TNFRSF8: variants seen among roughly 807,000 people sequenced by gnomAD.
TNFRSF8 encodes tumor necrosis factor receptor superfamily member 8.
A neutral mutation model predicts 70.8 loss-of-function variants in TNFRSF8; 26 were observed. That is an observed-to-expected ratio of 0.37 (90% CI 0.27 to 0.51). The LOEUF is 0.51. Among genes scored for constraint, TNFRSF8 ranks in the 20% least tolerant of loss-of-function variants. TNFRSF8 has a pLI of 0.94. For synonymous variants in TNFRSF8, 356 were observed against 339.2 expected (o/e 1.05, Z -0.54); for missense variants, 720 against 807.9 (o/e 0.89, Z 1.32).
chr1:12,085,419 T>A (rs957303937), intron 2 of TNFRSF8, among the ~76,000 whole-genome samples: 2 of 152,176 alleles, frequency 1.3e-5, no homozygotes, highest in African/African-American at 2.4e-5. Context: ...CTAATTTTTT[T>A]ATATTAATTT....
At chr1:12,135,650 GC>G in intron 13 of TNFRSF8, 37 bp downstream of exon 13, 3 of 1,612,620 alleles carry the variant, frequency 1.9e-6, no homozygotes, top group South Asian at 1.1e-5. Flanking sequence ...TCAGCTTCGT[GC>G]CCCTAAATCT....
chr1:12,096,304 G>A (rs571508964), intron 2 of TNFRSF8, among the ~76,000 whole-genome samples: 1 of 152,186 alleles, frequency 6.6e-6, no homozygotes, highest in South Asian at 2.1e-4. Flanking sequence ...TAGGGTCTTA[G>A]TGGCAGGAGT....
intron 8 of TNFRSF8, among the ~76,000 whole-genome samples, chr1:12,122,780 C>T (rs1641853333): frequency 6.6e-6 from 1 of 152,200 alleles, no homozygotes; most frequent in Non-Finnish European, 1.5e-5. Context: ...TCTAGCGTCA[C>T]TGTTTCACCT....
chr1:12,081,507 T>C (rs1365016667), intron 1 of TNFRSF8, among the ~76,000 whole-genome samples: 3 of 151,866 alleles, frequency 2.0e-5, no homozygotes, highest in African/African-American at 7.3e-5. Context: ...GAGGACACTC[T>C]CCTCTCCTAC....
intron 1 of TNFRSF8, among the ~76,000 whole-genome samples, chr1:12,082,108 A>G (rs1641074729): frequency 6.6e-6 from 1 of 152,104 alleles, no homozygotes; most frequent in Admixed American, 6.6e-5. Context: ...GAAAAGTGCA[A>G]TGGCGTTCCC....
intron 3 of TNFRSF8, among the ~76,000 whole-genome samples, chr1:12,102,062 T>C (rs1641433359): frequency 6.6e-6 from 1 of 152,258 alleles, no homozygotes; most frequent in African/African-American, 2.4e-5. Flanking sequence ...GTATCATTTC[T>C]AATGTTTTGT....
Position 12,138,611 on chromosome 1 carries a change from C to T in TNFRSF8, c.1543+175C>T, listed in dbSNP as rs2101049044. On this transcript the variant is annotated intron_variant, in intron 14 of 14. Transcript: ENST00000263932. The surrounding 1 kb of genome is among the most constrained non-coding windows in gnomAD (Gnocchi z 5.7). ...TCTGTAAGTAGGGACAGCGAGGGTA[C>T]TTACCTCGTAGGCCATTGTGCGGAT... Among the ~76,000 whole-genome samples, 1 of 152,330 alleles carries T rather than the reference C, an allele frequency of 6.6e-6. No homozygotes were observed. The highest frequency in any genetic ancestry group is 1.5e-5 in the Non-Finnish European group (1 of 68,022).
intron 1 of TNFRSF8, among the ~76,000 whole-genome samples, chr1:12,071,524 A>G (rs1336358552): frequency 1.3e-5 from 2 of 152,084 alleles, no homozygotes. Context: ...GCTTTTTTCC[A>G]GTTTCTAGAA....
intron 8 of TNFRSF8, among the ~76,000 whole-genome samples, chr1:12,118,859 T>G (rs1641781788): frequency 6.6e-6 from 1 of 151,998 alleles, no homozygotes; most frequent in African/African-American, 2.4e-5. Flanking sequence ...TTTTTGTTTG[T>G]TTGTTTGTTT....
chr1:12,116,613 C>T (rs548051769), intron 8 of TNFRSF8, among the ~76,000 whole-genome samples: 1 of 151,950 alleles, frequency 6.6e-6, no homozygotes, highest in Non-Finnish European at 1.5e-5. Context: ...CCAGCCTGAC[C>T]AACATGGCAA....
At chr1:12,126,452 A>G (rs182882386) in intron 12 of TNFRSF8, among the ~76,000 whole-genome samples, 9 of 152,280 alleles carry the variant, frequency 5.9e-5, no homozygotes, top group Admixed American at 4.6e-4. Context: ...ACTGGGTGTG[A>G]CGACTGTGTG....
Position 12,063,323 on chromosome 1 carries a change from T to C in TNFRSF8, c.-276T>C, listed in dbSNP as rs971564045. On this transcript the variant is annotated 5_prime_UTR_variant, in exon 1 of 15. Coordinates refer to ENST00000263932, the MANE Select transcript of TNFRSF8 (RefSeq NM_001243.5). The surrounding 1 kb of genome is among the most constrained non-coding windows in gnomAD (Gnocchi z 7.2). ...TTTTCCTGAGTCATCTCTGCACGTG[T>C]TTGCCCCCTTTTTTCTTCGCTGCTT... 2.7e-6 allele frequency: 1 copy of C among 365,412 alleles called. No individual in the cohort carries two copies. Among genetic ancestry groups the C allele is most frequent in the Non-Finnish European group, 4.9e-6 (1 of 205,030 alleles). The allele number at this position is 365,412 out of a possible 1,614,324, so 22.6% of individuals were successfully genotyped here.
chr1:12,109,547 A>C lies in TNFRSF8; in HGVS notation c.422-19A>C. The C allele has an allele frequency of 6.2e-7, 1 of 1,609,478 alleles. No homozygotes were observed. Among genetic ancestry groups the C allele is most frequent in the Non-Finnish European group, 8.5e-7 (1 of 1,176,636 alleles). ...GGTCCCCAACACTGATTCTGAAGGC[A>C]CTGCTGTCCCCCCTGCAGGCACGGC... On this transcript the variant is annotated intron_variant, in intron 4 of 14. Coordinates refer to ENST00000263932, the MANE Select transcript of TNFRSF8 (RefSeq NM_001243.5). The surrounding 1 kb of genome is among the most constrained non-coding windows in gnomAD (Gnocchi z 4.4).
chr1:12,127,886 C>A (rs909453398), intron 12 of TNFRSF8, among the ~76,000 whole-genome samples: 1 of 152,206 alleles, frequency 6.6e-6, no homozygotes, highest in African/African-American at 2.4e-5. Flanking sequence ...CCCTAAGAAG[C>A]CAGGTCTACA....
intron 2 of TNFRSF8, among the ~76,000 whole-genome samples, chr1:12,085,007 C>T (rs189633532): frequency 6.6e-6 from 1 of 152,300 alleles, no homozygotes; most frequent in Admixed American, 6.5e-5. Flanking sequence ...GGGCTGGGGC[C>T]CAGGGCTCAG....
chr1:12,126,331 C>T, intron 12 of TNFRSF8, 95 bp downstream of exon 12: 3 of 1,448,488 alleles, frequency 2.1e-6, no homozygotes, highest in Non-Finnish European at 2.9e-6. Flanking sequence ...GAACTTCTAC[C>T]CCAGCCTCGA....
At chr1:12,086,785 CTCTCTCTCTT>C (rs1048269686) in intron 2 of TNFRSF8, among the ~76,000 whole-genome samples, 2 of 151,968 alleles carry the variant, frequency 1.3e-5, no homozygotes, top group African/African-American at 4.8e-5. Context: ...AGATCGATCT[CTCTCTCTCTT>C]TCTCTCTCTT....
chr1:12,076,380 G>A (rs1053118707), intron 1 of TNFRSF8, among the ~76,000 whole-genome samples: 7 of 152,150 alleles, frequency 4.6e-5, no homozygotes, highest in Non-Finnish European at 7.3e-5. Flanking sequence ...GATTACAAGC[G>A]TGAGCTACCG....
intron 9 of TNFRSF8, 69 bp downstream of exon 9, chr1:12,123,446 A>T (rs1169422655): frequency 8.4e-6 from 12 of 1,428,768 alleles, no homozygotes; most frequent in Non-Finnish European, 1.1e-5. Flanking sequence ...TGCCCAGGGG[A>T]TGCCTGGGAG....
Sources: allele counts gnomAD v4.1 joint callset (sites outside exome capture counted in the v4.1 genomes callset), GRCh38; gene constraint gnomAD v4.1.1; non-coding constraint Gnocchi (gnomAD v3.1); transcripts MANE v1.5; gene names NCBI Gene and HGNC (gene_info 2026-07-23, HGNC 2026-07-21).